PCDH7: variants seen among roughly 807,000 people sequenced by gnomAD.
PCDH7 encodes protocadherin 7.
In PCDH7, 17 loss-of-function variants were observed where a neutral mutation model predicts 58.9. The observed-to-expected ratio is 0.29, with a 90% CI of 0.20 to 0.43. The LOEUF (loss-of-function observed/expected upper bound fraction) is 0.43. PCDH7 is among the 20% of genes least tolerant of loss of function. The pLI, the probability that PCDH7 is intolerant of heterozygous loss-of-function variation, is 1.00. For synonymous variants in PCDH7, 664 were observed against 616.4 expected (o/e 1.08, Z -1.14); for missense variants, 1,274 against 1,441.0 (o/e 0.88, Z 1.88).
At chr4:30,995,646 T>A (rs1751834713) in intron 3 of PCDH7, among the ~76,000 whole-genome samples, 1 of 152,158 alleles carries the variant, frequency 6.6e-6, no homozygotes, top group African/African-American at 2.4e-5. Context: ...AAGTCCAAAG[T>A]GTATCTCACT....
chr4:31,062,879 T>C (rs1757796758), intron 3 of PCDH7, among the ~76,000 whole-genome samples: 1 of 151,760 alleles, frequency 6.6e-6, no homozygotes, highest in African/African-American at 2.4e-5. Flanking sequence ...AACCACCAAG[T>C]TTTGTTGCTG....
At chr4:31,048,092 T>G (rs1249829476) in intron 3 of PCDH7, among the ~76,000 whole-genome samples, 2 of 152,100 alleles carry the variant, frequency 1.3e-5, no homozygotes, top group East Asian at 3.8e-4. Flanking sequence ...AAGGGACTTT[T>G]TCTTCTTTCA....
rs542527378 is a variant in PCDH7, at chr4:30,808,206, G to C, written c.70+83610G>C. Among the ~76,000 whole-genome samples the C allele has an allele frequency of 3.3e-5, 5 of 152,308 alleles. No homozygotes were observed. The South Asian group carries it at 1.0e-3, about 32-fold the overall frequency. On this transcript the variant is annotated intron_variant, in intron 1 of 3. Coordinates refer to the PCDH7 transcript ENST00000509759. The stretch of plus-strand genomic sequence containing the variant: ...TTAATAATTGATTTTGGAGAGCACA[G>C]TCGATAAATTTCAAGTATGACCAAA...
intron 1 of PCDH7, among the ~76,000 whole-genome samples, chr4:30,756,104 A>C (rs561954625): frequency 6.6e-6 from 1 of 152,102 alleles, no homozygotes; most frequent in East Asian, 1.9e-4. Flanking sequence ...ACCAACAAAC[A>C]AAATATATGG....
intron 3 of PCDH7, among the ~76,000 whole-genome samples, chr4:31,125,096 T>C (rs955795492): frequency 8.5e-5 from 13 of 152,198 alleles, no homozygotes; most frequent in African/African-American, 2.9e-4. Context: ...TGAATATGGC[T>C]TTAATGATAG....
At chr4:30,726,509 A>G (rs1483793659) in intron 1 of PCDH7, among the ~76,000 whole-genome samples, 2 of 152,016 alleles carry the variant, frequency 1.3e-5, no homozygotes. Flanking sequence ...ATGCTTGAAT[A>G]TTTAAAACAG....
chr4:31,035,782 A>G (rs1195433290), intron 3 of PCDH7, among the ~76,000 whole-genome samples: 4 of 152,210 alleles, frequency 2.6e-5, no homozygotes, highest in Non-Finnish European at 5.9e-5. Context: ...ATTATTTTAA[A>G]ACATGTTTTC....
intron 3 of PCDH7, among the ~76,000 whole-genome samples, chr4:30,995,509 C>A (rs910540612): frequency 1.4e-5 from 2 of 144,616 alleles, no homozygotes; most frequent in African/African-American, 2.5e-5. Context: ...GAGACTCCCT[C>A]CCAAAGGAAA....
chr4:30,918,303 C>T (rs564041907), intron 1 of PCDH7, among the ~76,000 whole-genome samples: 1 of 152,012 alleles, frequency 6.6e-6, no homozygotes, highest in South Asian at 2.1e-4. Flanking sequence ...AGACCAAAAA[C>T]ATTAAACAGT....
chr4:30,789,094 A>G (rs887407264), intron 1 of PCDH7, among the ~76,000 whole-genome samples: 3 of 152,072 alleles, frequency 2.0e-5, no homozygotes, highest in Admixed American at 6.6e-5. Flanking sequence ...TAATGGAAAT[A>G]TGTACTGAGG....
chr4:30,834,736 C>T (rs917358992), intron 1 of PCDH7, among the ~76,000 whole-genome samples: 13 of 151,068 alleles, frequency 8.6e-5, no homozygotes, highest in African/African-American at 3.2e-4. Context: ...TTTCCCTTTG[C>T]ATAGTCATAT....
intron 1 of PCDH7, among the ~76,000 whole-genome samples, chr4:30,817,315 G>T (rs982865125): frequency 3.3e-5 from 5 of 152,256 alleles, no homozygotes; most frequent in Non-Finnish European, 7.4e-5. Flanking sequence ...TACTTATAGT[G>T]CTCAAGCATT....
chr4:31,007,120 A>C (rs1752829650), intron 3 of PCDH7, among the ~76,000 whole-genome samples: 1 of 152,130 alleles, frequency 6.6e-6, no homozygotes, highest in African/African-American at 2.4e-5. Flanking sequence ...CAGAAAATGG[A>C]GTCTGATGGT....
At chr4:30,861,100 A>T (rs1183234495) in intron 1 of PCDH7, among the ~76,000 whole-genome samples, 1 of 152,200 alleles carries the variant, frequency 6.6e-6, no homozygotes, top group Non-Finnish European at 1.5e-5. Context: ...TGTGCGCAAG[A>T]GAGAAATGTT....
intron 3 of PCDH7, among the ~76,000 whole-genome samples, chr4:31,055,064 C>T (rs1178482605): frequency 1.3e-5 from 2 of 152,082 alleles, no homozygotes; most frequent in Admixed American, 1.3e-4. Flanking sequence ...AATAACAAAG[C>T]ATTTATATTT....
chr4:31,037,526 G>C (rs1031141476), intron 3 of PCDH7, among the ~76,000 whole-genome samples: 3 of 152,288 alleles, frequency 2.0e-5, no homozygotes, highest in Middle Eastern at 3.4e-3. Flanking sequence ...TAATTGATGA[G>C]TGCCTTGAGA....
chr4:30,806,425 C>T (rs1253892527), intron 1 of PCDH7, among the ~76,000 whole-genome samples: 1 of 152,048 alleles, frequency 6.6e-6, no homozygotes, highest in African/African-American at 2.4e-5. Flanking sequence ...CTGTCTCAGC[C>T]TCCCGAGCAG....
intron 1 of PCDH7, among the ~76,000 whole-genome samples, chr4:30,863,788 A>G (rs550051457): frequency 8.5e-5 from 13 of 152,234 alleles, no homozygotes; most frequent in African/African-American, 3.1e-4. Context: ...ATTTTATTTC[A>G]GAATGCTTGT....
At chr4:30,879,715 C>A (rs1193616647) in intron 1 of PCDH7, among the ~76,000 whole-genome samples, 1 of 152,046 alleles carries the variant, frequency 6.6e-6, no homozygotes, top group Non-Finnish European at 1.5e-5. Context: ...ATATTCATAA[C>A]CCTGCCACTT....
Sources: gnomAD v4.1 joint callset for allele counts (sites outside exome capture counted in the v4.1 genomes callset) on GRCh38, gnomAD v4.1.1 for gene constraint, MANE v1.5 for transcripts, NCBI Gene and HGNC (gene_info 2026-07-23, HGNC 2026-07-21) for gene names.